The following DPP10 variants were observed in gnomAD, a reference collection of about 807,000 sequenced individuals.
DPP10 encodes inactive dipeptidyl peptidase 10.
Under a neutral mutation model 120.9 loss-of-function variants are expected in DPP10, and 33 were observed. The ratio of observed to expected loss-of-function variants is 0.27; its 90% CI spans 0.21 to 0.37. The LOEUF is 0.37. Ranked by LOEUF, DPP10 falls within the 10% of genes least tolerant of loss-of-function variation. The pLI is 1.00. For synonymous variants in DPP10, 337 were observed against 326.1 expected (o/e 1.03, Z -0.36); for missense variants, 816 against 942.8 (o/e 0.87, Z 1.76).
intron 1 of DPP10, among the ~76,000 whole-genome samples, chr2:114,695,523 C>A (rs1039720240): frequency 2.0e-5 from 3 of 152,004 alleles, no homozygotes; most frequent in African/African-American, 7.2e-5. Flanking sequence ...GAAAAAATAT[C>A]CCTGAGTCAA....
At chr2:115,461,215 T>A (rs34707313) in intron 3 of DPP10, among the ~76,000 whole-genome samples, 21,356 of 151,974 alleles carry the variant, frequency 0.14, 3,290 homozygotes, top group African/African-American at 0.37. Flanking sequence ...CTTTTTTTTT[T>A]AGTAAAATTT....
chr2:114,584,126 C>T (rs2105106432), intron 1 of DPP10, among the ~76,000 whole-genome samples: 1 of 152,254 alleles, frequency 6.6e-6, no homozygotes, highest in South Asian at 2.1e-4. Context: ...TCTTAGCATT[C>T]ATAGATAGTA....
chr2:115,605,525 CT>C (rs1352651004), intron 5 of DPP10, among the ~76,000 whole-genome samples: 1 of 151,908 alleles, frequency 6.6e-6, no homozygotes, highest in Non-Finnish European at 1.5e-5. Flanking sequence ...AAGGGAAGTA[CT>C]CGGCATTTGA....
intron 5 of DPP10, among the ~76,000 whole-genome samples, chr2:115,619,111 C>A (rs1357689165): frequency 1.4e-5 from 1 of 71,054 alleles, no homozygotes; most frequent in Non-Finnish European, 2.5e-5. Context: ...TTTTTCATAT[C>A]ATTTGTAGTT....
intron 4 of DPP10, among the ~76,000 whole-genome samples, chr2:115,502,852 C>T (rs1297089163): frequency 4.4e-5 from 6 of 135,490 alleles, no homozygotes; most frequent in Non-Finnish European, 7.8e-5. Context: ...TGCCACCAGG[C>T]TCGGCTAATT....
At chr2:114,986,679 A>T (rs545144203) in intron 1 of DPP10, among the ~76,000 whole-genome samples, 22 of 152,396 alleles carry the variant, frequency 1.4e-4, no homozygotes, top group African/African-American at 5.3e-4. Context: ...AGCATAATTA[A>T]ATAGCAAAAG....
rs768171580 is a variant in DPP10, at chr2:115,840,787, G to C, written c.2220G>C (p.Lys740Asn). The C allele has an allele frequency of 6.2e-7, 1 of 1,613,576 alleles. No individual in the cohort carries two copies. The highest frequency in any genetic ancestry group is 1.1e-5 in the South Asian group (1 of 91,050). The change falls in exon 25 of 26, where the codon AAG (lysine) becomes AAC (asparagine). Residue 740 changes from lysine (K) to asparagine (N), a missense_variant. By Grantham distance (94) the Lys-to-Asn change is moderately conservative (BLOSUM62 0). Transcript: ENST00000410059. ...VHFQHSAELI[K>N]HLIKAGVNYT... ...TCCAACACTCAGCAGAATTAATCAA[G>C]CACCTAATAAAAGCTGGAGTGAATT...
At chr2:115,811,740 C>CT (rs1686670200) in intron 19 of DPP10, among the ~76,000 whole-genome samples, 1 of 152,102 alleles carries the variant, frequency 6.6e-6, no homozygotes. Flanking sequence ...GTTGATTGCA[C>CT]TTTTTTTATA....
intron 1 of DPP10, among the ~76,000 whole-genome samples, chr2:114,607,648 G>A (rs1692927388): frequency 6.6e-6 from 1 of 152,180 alleles, no homozygotes; most frequent in African/African-American, 2.4e-5. Context: ...GGAATATGCA[G>A]AAGGCTGAGG....
intron 3 of DPP10, among the ~76,000 whole-genome samples, chr2:115,364,875 T>C (rs570086744): frequency 6.6e-6 from 1 of 152,262 alleles, no homozygotes; most frequent in Admixed American, 6.5e-5. Context: ...CTAAAAAGTT[T>C]TCTTGAAATT....
At chr2:115,447,508 C>A (rs1301443525) in intron 3 of DPP10, among the ~76,000 whole-genome samples, 1 of 152,276 alleles carries the variant, frequency 6.6e-6, no homozygotes, top group African/African-American at 2.4e-5. Flanking sequence ...CTACCCAAAT[C>A]TCATCTCAAA....
At chr2:115,777,118 C>G (rs915165212) in intron 13 of DPP10, 90 bp from the exon 14 acceptor site, 1 of 1,099,368 alleles carries the variant, frequency 9.1e-7, no homozygotes, top group African/African-American at 1.6e-5. Flanking sequence ...TTAGAGAATT[C>G]GAAGTGTCAC....
intron 1 of DPP10, among the ~76,000 whole-genome samples, chr2:115,147,912 C>T (rs115271135): frequency 2.1e-3 from 326 of 152,170 alleles, no homozygotes; most frequent in African/African-American, 7.3e-3. Flanking sequence ...AGGGAAACCC[C>T]GTTTGGACCC....
At chr2:114,881,786 A>G (rs561452020) in intron 1 of DPP10, among the ~76,000 whole-genome samples, 4 of 152,266 alleles carry the variant, frequency 2.6e-5, no homozygotes, top group South Asian at 2.1e-4. Flanking sequence ...CTGTTTCTCA[A>G]AGTTTTTCTA....
At chr2:115,463,550 T>C (rs2074118315) in intron 3 of DPP10, among the ~76,000 whole-genome samples, 1 of 152,194 alleles carries the variant, frequency 6.6e-6, no homozygotes, top group South Asian at 2.1e-4. Flanking sequence ...TAAGTAGTGA[T>C]GCCATAAAAT....
At chr2:114,896,410 T>C (rs1190265538) in intron 1 of DPP10, among the ~76,000 whole-genome samples, 4 of 152,316 alleles carry the variant, frequency 2.6e-5, no homozygotes, top group African/African-American at 9.6e-5. Flanking sequence ...TTTTATTTCC[T>C]TGAGCAGTGT....
chr2:114,988,083 C>T (rs1362393021), intron 1 of DPP10, among the ~76,000 whole-genome samples: 3 of 152,090 alleles, frequency 2.0e-5, no homozygotes, highest in Admixed American at 2.0e-4. Flanking sequence ...GGATTACAGG[C>T]GTGAGCCACC....
intron 1 of DPP10, among the ~76,000 whole-genome samples, chr2:114,959,106 T>G (rs1226208356): frequency 1.3e-5 from 2 of 152,162 alleles, no homozygotes; most frequent in African/African-American, 4.8e-5. Context: ...TCACCCGGGC[T>G]GGAGTACAGT....
At chr2:114,719,657 T>A (rs533466214) in intron 1 of DPP10, among the ~76,000 whole-genome samples, 2 of 152,304 alleles carry the variant, frequency 1.3e-5, no homozygotes, top group South Asian at 2.1e-4. Flanking sequence ...CTTTGTCTTT[T>A]GAAGGGTCAC....
Sources: allele counts gnomAD v4.1 joint callset (sites outside exome capture counted in the v4.1 genomes callset), GRCh38; gene constraint gnomAD v4.1.1; transcripts MANE v1.5; gene names NCBI Gene and HGNC (gene_info 2026-07-23, HGNC 2026-07-21).